DIP2C: variants seen among roughly 807,000 people sequenced by gnomAD.
The protein encoded by DIP2C is DIP2 acetate--CoA ligase C (putative).
DIP2C carries 33 observed loss-of-function variants against 192.4 expected under a neutral mutation model. That is an observed-to-expected ratio of 0.17 (90% CI 0.13 to 0.23). The LOEUF is 0.23. Ranked by LOEUF, DIP2C falls within the 10% of genes least tolerant of loss-of-function variation. The pLI is 1.00. For synonymous variants in DIP2C, 979 were observed against 864.1 expected (o/e 1.13, Z -2.33); for missense variants, 1,537 against 2,110.1 (o/e 0.73, Z 5.32).
At chr10:424,516 C>A (rs1347151084) in intron 4 of DIP2C, among the ~76,000 whole-genome samples, 1 of 151,910 alleles carries the variant, frequency 6.6e-6, no homozygotes, top group Non-Finnish European at 1.5e-5. Flanking sequence ...CAGGCACCTA[C>A]CACTATGACC....
At chr10:339,417 G>A (rs936893272) in intron 29 of DIP2C, among the ~76,000 whole-genome samples, 3 of 152,096 alleles carry the variant, frequency 2.0e-5, no homozygotes, top group Non-Finnish European at 2.9e-5. Flanking sequence ...AAATTTCATC[G>A]CAACCTGGAC....
At chr10:482,988 C>T (rs911941251) in intron 2 of DIP2C, among the ~76,000 whole-genome samples, 1 of 152,200 alleles carries the variant, frequency 6.6e-6, no homozygotes, top group Admixed American at 6.5e-5. Flanking sequence ...ACTCACATTT[C>T]TTCCTGGCTC....
intron 2 of DIP2C, among the ~76,000 whole-genome samples, chr10:481,011 C>A (rs1843563681): frequency 6.6e-6 from 1 of 152,240 alleles, no homozygotes; most frequent in African/African-American, 2.4e-5. Context: ...AGGCAACCTG[C>A]CCGGGACAGG....
At chr10:592,327 G>A (rs576399524) in intron 1 of DIP2C, among the ~76,000 whole-genome samples, 5 of 152,148 alleles carry the variant, frequency 3.3e-5, no homozygotes, top group African/African-American at 7.2e-5. Context: ...CCGTAGCAGC[G>A]GATGTTATAT....
chr10:349,215 A>T (rs747598152), intron 25 of DIP2C, 116 bp downstream of exon 25: 1 of 1,414,424 alleles, frequency 7.1e-7, no homozygotes, highest in Admixed American at 2.0e-5. Flanking sequence ...GATACAGTGC[A>T]GACTCCCAGC....
chr10:459,691 G>A (rs1420295895), intron 3 of DIP2C, among the ~76,000 whole-genome samples: 5 of 150,654 alleles, frequency 3.3e-5, no homozygotes, highest in South Asian at 2.1e-4. Context: ...TGCTGCACGT[G>A]GGCTCTAGGA....
At chr10:306,032 T>A (rs1956306781) in intron 32 of DIP2C, among the ~76,000 whole-genome samples, 1 of 151,516 alleles carries the variant, frequency 6.6e-6, no homozygotes, top group Admixed American at 6.6e-5. Context: ...AAAACTCAAG[T>A]ATTCATGGAA....
rs182064119 is a variant in DIP2C at position 493,385 on chromosome 10, G to C, written c.86-6855C>G. Among the ~76,000 whole-genome samples, 5 of 152,274 alleles carry C rather than the reference G, an allele frequency of 3.3e-5. No individual in the cohort carries two copies. The East Asian group carries it at 9.6e-4, about 29-fold the overall frequency. On this transcript the variant is annotated intron_variant, in intron 1 of 36. Coordinates refer to ENST00000280886, the MANE Select transcript of DIP2C (RefSeq NM_014974.3). ...TCCCATGACATTGATTCTCAATTTT[G>C]CAGATCTCAGGCCTCAGCAGTAAGT...
At chr10:632,057 T>TAA (rs1854550139) in intron 1 of DIP2C, among the ~76,000 whole-genome samples, 1 of 152,172 alleles carries the variant, frequency 6.6e-6, no homozygotes, top group African/African-American at 2.4e-5. Flanking sequence ...ATTGAAGAGA[T>TAA]AAAAGCACGA....
intron 1 of DIP2C, among the ~76,000 whole-genome samples, chr10:622,082 C>G (rs1853884262): frequency 6.6e-6 from 1 of 151,034 alleles, no homozygotes; most frequent in African/African-American, 2.4e-5. Flanking sequence ...TGTCCTCCAG[C>G]CTTTAGGACA....
At chr10:316,781 CA>C (rs1956792951) in intron 31 of DIP2C, among the ~76,000 whole-genome samples, 1 of 152,222 alleles carries the variant, frequency 6.6e-6, no homozygotes, top group Non-Finnish European at 1.5e-5. Flanking sequence ...CTGGGATTCT[CA>C]TCTACCTTGC....
chr10:594,923 C>T (rs916031559), intron 1 of DIP2C, among the ~76,000 whole-genome samples: 4 of 152,196 alleles, frequency 2.6e-5, no homozygotes, highest in African/African-American at 9.7e-5. Context: ...CTTCCCAGGA[C>T]CAACTTCCAA....
intron 26 of DIP2C, among the ~76,000 whole-genome samples, chr10:346,924 G>A (rs78313522): frequency 0.12 from 10 of 84 alleles, 5 homozygotes; most frequent in Non-Finnish European, 1. Context: ...CACATCGCGC[G>A]TAGTTCTCCC....
intron 1 of DIP2C, among the ~76,000 whole-genome samples, chr10:595,953 C>T (rs192841126): frequency 1.5e-4 from 23 of 152,120 alleles, no homozygotes; most frequent in Non-Finnish European, 7.4e-5. Flanking sequence ...ATTTTTAAGC[C>T]GACAAAGAGT....
At chr10:548,010 T>C (rs1253171856) in intron 1 of DIP2C, among the ~76,000 whole-genome samples, 1 of 152,108 alleles carries the variant, frequency 6.6e-6, no homozygotes, top group Non-Finnish European at 1.5e-5. Flanking sequence ...TTTTCAGCCA[T>C]CACAACTGTC....
At chr10:626,330 G>C (rs1351062548) in intron 1 of DIP2C, among the ~76,000 whole-genome samples, 3 of 152,150 alleles carry the variant, frequency 2.0e-5, no homozygotes, top group Admixed American at 2.0e-4. Flanking sequence ...TGGGGCTCCT[G>C]GGGACAGAAT....
chr10:684,772 C>T (rs577345133), intron 1 of DIP2C, among the ~76,000 whole-genome samples: 15 of 152,262 alleles, frequency 9.9e-5, no homozygotes, highest in African/African-American at 3.1e-4. Context: ...CCCTCTTTGG[C>T]GACAGCAACG....
At chr10:445,599 T>C (rs1363825941) in intron 3 of DIP2C, among the ~76,000 whole-genome samples, 1 of 148,854 alleles carries the variant, frequency 6.7e-6, no homozygotes, top group Non-Finnish European at 1.5e-5. Flanking sequence ...CATGGTCTAC[T>C]GGGCATCTGT....
intron 31 of DIP2C, among the ~76,000 whole-genome samples, chr10:325,676 G>T (rs1957241199): frequency 6.6e-6 from 1 of 152,206 alleles, no homozygotes; most frequent in African/African-American, 2.4e-5. Flanking sequence ...AAGGTGAATA[G>T]GCAGAGAAAA....
Sources: gnomAD v4.1 joint callset for allele counts (sites outside exome capture counted in the v4.1 genomes callset) on GRCh38, gnomAD v4.1.1 for gene constraint, MANE v1.5 for transcripts, NCBI Gene and HGNC (gene_info 2026-07-23, HGNC 2026-07-21) for gene names.